ZBTB7C: variants seen among roughly 807,000 people sequenced by gnomAD.
The protein encoded by ZBTB7C is zinc finger and BTB domain containing 7C, also known as zinc finger and BTB domain-containing protein 7C.
A neutral mutation model predicts 25.7 loss-of-function variants in ZBTB7C; 8 were observed. That is an observed-to-expected ratio of 0.31 (90% CI 0.18 to 0.56). The LOEUF (loss-of-function observed/expected upper bound fraction) is 0.56. Among genes scored for constraint, ZBTB7C ranks in the 20% least tolerant of loss-of-function variants. ZBTB7C has a pLI of 0.91. For missense variants in ZBTB7C, 824 were observed against 855.2 expected (o/e 0.96, Z 0.46); for synonymous variants, 394 against 369.0 (o/e 1.07, Z -0.78).
intron 3 of ZBTB7C, chr18:48,150,303 T>C (rs567537831): frequency 1.3e-5 from 2 of 151,606 alleles, no homozygotes; most frequent in South Asian, 4.3e-4. Flanking sequence ...TAAGAGAAGC[T>C]GGGCGCAGTG....
At position 48,133,623 on chromosome 18, in the gene ZBTB7C, T is replaced by A. The variant is rs2040055820; in HGVS notation, c.-17+52311A>T. On this transcript the variant is annotated intron_variant, in intron 3 of 4. Transcript: ENST00000590800. ...GCTATTTTTTTTTTTTTTTGCTAAGTCATGAGAAGTGCAGCAAGTTAAAAA... is the reference window on the plus strand; with the variant it reads ...GCTATTTTTTTTTTTTTTTGCTAAGACATGAGAAGTGCAGCAAGTTAAAAA... 2.0e-5 allele frequency among the ~76,000 whole-genome samples: 3 copies of A among 149,948 alleles called. No homozygotes were observed. The South Asian group carries it at 6.4e-4, about 32-fold the overall frequency.
intron 3 of ZBTB7C, among the ~76,000 whole-genome samples, chr18:48,128,390 C>T (rs4940275): frequency 0.16 from 23,669 of 152,212 alleles, 1,965 homozygotes; most frequent in South Asian, 0.23. Flanking sequence ...TTTCCTTATG[C>T]CTGAGTCCCA....
At chr18:48,135,578 G>T (rs374791596) in intron 3 of ZBTB7C, among the ~76,000 whole-genome samples, 20 of 152,246 alleles carry the variant, frequency 1.3e-4, no homozygotes, top group Middle Eastern at 6.8e-3. Context: ...GTGCCTTAAG[G>T]GGGGAGGACC....
chr18:48,146,588 C>T (rs752185076), intron 3 of ZBTB7C, among the ~76,000 whole-genome samples: 5 of 152,118 alleles, frequency 3.3e-5, no homozygotes, highest in East Asian at 1.9e-4. Flanking sequence ...ACAGACAATT[C>T]GCAATTGCCT....
At chr18:48,114,426 A>G (rs753488420) in intron 3 of ZBTB7C, among the ~76,000 whole-genome samples, 1 of 151,902 alleles carries the variant, frequency 6.6e-6, no homozygotes, top group Non-Finnish European at 1.5e-5. Context: ...ACATGGTGAG[A>G]GCCATCTCTG....
At chr18:48,036,199 C>T (rs1264448488) in intron 4 of ZBTB7C, among the ~76,000 whole-genome samples, 2 of 152,244 alleles carry the variant, frequency 1.3e-5, no homozygotes, top group Non-Finnish European at 2.9e-5. Context: ...GGTGAGGTTC[C>T]TGACACCAAA....
At chr18:48,162,452 C>G (rs973526824) in intron 3 of ZBTB7C, 29 of 453,212 alleles carry the variant, frequency 6.4e-5, no homozygotes, top group Non-Finnish European at 1.1e-4. Context: ...CGGTTTGGTG[C>G]CTGGCACATA....
At chr18:48,298,028 C>A (rs1011478235) in intron 2 of ZBTB7C, among the ~76,000 whole-genome samples, 2 of 152,104 alleles carry the variant, frequency 1.3e-5, no homozygotes, top group Non-Finnish European at 2.9e-5. Flanking sequence ...CGCCTGTAAT[C>A]CCAGCATTTT....
At chr18:48,402,654 T>C (rs952950737) in intron 1 of ZBTB7C, among the ~76,000 whole-genome samples, 8 of 152,324 alleles carry the variant, frequency 5.3e-5, no homozygotes, top group African/African-American at 1.9e-4. Context: ...GAAAGGAACC[T>C]TTCTGTTTAG....
Position 48,320,519 on chromosome 18 carries a change from G to T in ZBTB7C, c.-79+17655C>A, listed in dbSNP as rs559453910. 2.5e-4 allele frequency among the ~76,000 whole-genome samples: 38 copies of T among 152,344 alleles called. 1 individual carries two copies. In the South Asian group the frequency reaches 7.9e-3, roughly 32 times the overall value. On this transcript the variant is annotated intron_variant, in intron 2 of 4. Transcript: ENST00000590800. ...GTGCTAATCCAGGTGAGAGGTGACG[G>T]CTGCCAGCACCTGAGAGATGACAGT...
chr18:48,350,208 A>C (rs1433049952), intron 1 of ZBTB7C, among the ~76,000 whole-genome samples: 1 of 152,212 alleles, frequency 6.6e-6, no homozygotes, highest in African/African-American at 2.4e-5. Flanking sequence ...CAAGGGTCTC[A>C]CTGGGCTAAA....
chr18:48,166,066 T>C (rs1342010378), intron 3 of ZBTB7C, among the ~76,000 whole-genome samples: 1 of 152,240 alleles, frequency 6.6e-6, no homozygotes, highest in Non-Finnish European at 1.5e-5. Flanking sequence ...TAAATTGTGG[T>C]AAATGTTTAT....
At chr18:48,200,074 C>CAAGTATT (rs2042404610) in intron 2 of ZBTB7C, among the ~76,000 whole-genome samples, 1 of 151,754 alleles carries the variant, frequency 6.6e-6, no homozygotes, top group Non-Finnish European at 1.5e-5. Context: ...GAACCCTTAG[C>CAAGTATT]CACCCTGCCT....
At chr18:48,305,825 C>G (rs574174519) in intron 2 of ZBTB7C, among the ~76,000 whole-genome samples, 2 of 152,150 alleles carry the variant, frequency 1.3e-5, no homozygotes, top group African/African-American at 2.4e-5. Context: ...GCTCAGGGAG[C>G]TCAGGTCACT....
At position 48,276,831 on chromosome 18, in the gene ZBTB7C, G is replaced by A. The variant is rs1190567143; in HGVS notation, c.-79+61343C>T. ...GTATATACCCAGTAATGGGATGGCTGGGTCAAATGGTATTTCTAGTTCTAG... is the reference window on the plus strand; with the variant it reads ...GTATATACCCAGTAATGGGATGGCTAGGTCAAATGGTATTTCTAGTTCTAG... On this transcript the variant is annotated intron_variant, in intron 2 of 4. Coordinates refer to ENST00000590800, the MANE Select transcript of ZBTB7C (RefSeq NM_001318841.2). Among the ~76,000 whole-genome samples the A allele has an allele frequency of 9.6e-5, 10 of 104,150 alleles. No individual in the cohort carries two copies. In the South Asian group the frequency reaches 4.4e-3, roughly 45 times the overall value. 68.3% of individuals were successfully genotyped at this position (104,150 alleles called of 152,430 possible).
intron 3 of ZBTB7C, among the ~76,000 whole-genome samples, chr18:48,133,914 A>G (rs2040065098): frequency 1.3e-5 from 2 of 152,058 alleles, no homozygotes; most frequent in African/African-American, 4.8e-5. Context: ...GGCTGAGCAA[A>G]CAAACATCCC....
At chr18:48,263,115 C>G (rs1214518019) in intron 2 of ZBTB7C, among the ~76,000 whole-genome samples, 1 of 152,224 alleles carries the variant, frequency 6.6e-6, no homozygotes, top group Admixed American at 6.5e-5. Context: ...TCCTCATTGT[C>G]CCACAAACAC....
chr18:48,284,072 G>A (rs2044954348), intron 2 of ZBTB7C, among the ~76,000 whole-genome samples: 2 of 151,956 alleles, frequency 1.3e-5, no homozygotes, highest in South Asian at 2.1e-4. Flanking sequence ...ACTTGAACCC[G>A]GGAGGCAGAG....
At chr18:48,174,075 CT>C (rs2041589027) in intron 3 of ZBTB7C, among the ~76,000 whole-genome samples, 1 of 152,212 alleles carries the variant, frequency 6.6e-6, no homozygotes, top group Admixed American at 6.5e-5. Context: ...TGGGTGAATT[CT>C]TCTATAACCT....
Sources: gnomAD v4.1 joint callset for allele counts (sites outside exome capture counted in the v4.1 genomes callset) on GRCh38, gnomAD v4.1.1 for gene constraint, MANE v1.5 for transcripts, NCBI Gene and HGNC (gene_info 2026-07-23, HGNC 2026-07-21) for gene names.